Variants in SLC43A2 observed in about 807,000 individuals in gnomAD.
SLC43A2 encodes the protein large neutral amino acids transporter small subunit 4.
SLC43A2 carries 38 observed loss-of-function variants against 63.2 expected under a neutral mutation model. The observed-to-expected ratio is 0.60, with a 90% confidence interval of 0.46 to 0.79. The LOEUF is 0.79. SLC43A2 is among the 30% of genes least tolerant of loss of function. The probability of loss-of-function intolerance (pLI) is 0.00; values close to 1 mark genes in which losing one functional copy is unlikely to be tolerated. For synonymous variants in SLC43A2, 322 were observed against 331.0 expected, an observed-to-expected ratio of 0.97 and a Z score of 0.30; for missense variants, 644 against 756.2, an observed-to-expected ratio of 0.85 and a Z score of 1.74.
At position 1,583,200 on chromosome 17, in the gene SLC43A2, C is replaced by T; in HGVS notation, c.1350+4G>A. 2 of 1,613,728 alleles carry T rather than the reference C, an allele frequency of 1.2e-6. No individual in the cohort carries two copies. The highest frequency in any genetic ancestry group is 1.7e-6 in the Non-Finnish European group (2 of 1,179,666). ...CACCTGCCCCTCCCACTCCCCACAC[C>T]CACCTGGAGAGGCAGGTTGGGAATG... On this transcript the variant is annotated splice_donor_region_variant and intron_variant, in intron 11 of 13. Coordinates refer to ENST00000301335, the MANE Select transcript of SLC43A2 (RefSeq NM_152346.3). The surrounding 1 kb of genome is among the most constrained non-coding windows in gnomAD (Gnocchi z 5.5).
At chr17:1,623,159 T>C (rs1474959059) in intron 2 of SLC43A2, among the ~76,000 whole-genome samples, 1 of 152,188 alleles carries the variant, frequency 6.6e-6, no homozygotes, top group East Asian at 1.9e-4. Context: ...AGAAATCTCC[T>C]GTCCACATCT....
chr17:1,606,936 G>A lies in SLC43A2; in HGVS notation c.501+6259C>T, dbSNP rs888223183. Reference sequence around the variant, plus strand: ...GGAGGGAAATACCACCATGGGTGCCGACCTCTTGGGCTCTGGAAGGATGGC... The same window carrying A: ...GGAGGGAAATACCACCATGGGTGCCAACCTCTTGGGCTCTGGAAGGATGGC... On this transcript the variant is annotated intron_variant, in intron 5 of 13. Transcript: ENST00000301335. The surrounding 1 kb of genome is among the most constrained non-coding windows in gnomAD (Gnocchi z 4.7). Among the ~76,000 whole-genome samples, 11 of 152,184 alleles carry A rather than the reference G, an allele frequency of 7.2e-5. No individual in the cohort carries two copies. The highest frequency in any genetic ancestry group is 3.8e-4 in the East Asian group (2 of 5,196).
intron 5 of SLC43A2, among the ~76,000 whole-genome samples, chr17:1,595,300 G>A (rs2151051178): frequency 6.6e-6 from 1 of 151,414 alleles, no homozygotes; most frequent in East Asian, 2.0e-4. Flanking sequence ...AAAAGAGAGA[G>A]AGAGACAGGG....
intron 2 of SLC43A2, among the ~76,000 whole-genome samples, chr17:1,622,505 C>T (rs1346662861): frequency 1.3e-4 from 19 of 151,350 alleles, no homozygotes; most frequent in African/African-American, 4.4e-4. Context: ...GCGGAGGTTG[C>T]GGTGAGCCGA....
Position 1,574,992 on chromosome 17 carries a change from T to C in SLC43A2, c.*612A>G, listed in dbSNP as rs1466599563. On this transcript the variant is annotated 3_prime_UTR_variant, in exon 14 of 14. Coordinates refer to ENST00000301335, the MANE Select transcript of SLC43A2 (RefSeq NM_152346.3). ...GGGGTCCACCCAGCCCGCTAAACCC[T>C]CTCCAGGGCATAAGCCAGGTGGGGC... 1 of 156,556 alleles carries C rather than the reference T, an allele frequency of 6.4e-6. No individual in the cohort carries two copies. Among genetic ancestry groups the C allele is most frequent in the Non-Finnish European group, 1.4e-5 (1 of 70,250 alleles). 9.7% of individuals were successfully genotyped at this position (156,556 alleles called of 1,614,324 possible). A position where few individuals can be genotyped will look rare whatever the true frequency, so the allele number is the denominator to read the frequency against.
In SLC43A2 at chr17:1,600,599, G is replaced by A. The variant is rs191826454; in HGVS notation, c.502-7320C>T. ...GACATGGTCTCGCTCTGTCATCCAG[G>A]CTGGAGTGCAATGGTACGATTCTGG... On this transcript the variant is annotated intron_variant, in intron 5 of 13. Transcript: ENST00000301335. Among the ~76,000 whole-genome samples the A allele has an allele frequency of 2.7e-3, 350 of 129,588 alleles. 3 individuals are homozygous for A. The highest frequency in any genetic ancestry group is 6.7e-3 in the South Asian group (28 of 4,180). 85.0% of individuals were successfully genotyped at this position (129,588 alleles called of 152,430 possible).
chr17:1,599,663 T>C (rs1247753470), intron 5 of SLC43A2, among the ~76,000 whole-genome samples: 2 of 151,908 alleles, frequency 1.3e-5, no homozygotes, highest in Admixed American at 6.6e-5. Context: ...ACTGAGCCAC[T>C]GCACTCCAGC....
chr17:1,586,928 T>TGCCCCCCCCCCC, intron 9 of SLC43A2: 27 of 1,232,826 alleles, frequency 2.2e-5, no homozygotes, highest in Non-Finnish European at 2.9e-5. Context: ...TCCCTGACAA[T>TGCCCCCCCCCCC]CCCCCCCACC....
chr17:1,626,629 T>C (rs1267920553), intron 2 of SLC43A2, among the ~76,000 whole-genome samples: 1 of 152,098 alleles, frequency 6.6e-6, no homozygotes, highest in East Asian at 1.9e-4. Context: ...ACAGGGAGGC[T>C]TCCACAAAGG....
rs756710302 is a variant in SLC43A2, at chr17:1,575,650, A to C, written c.1664T>G (p.Leu555Arg). 8 of 1,613,920 alleles carry C rather than the reference A, an allele frequency of 5.0e-6. No homozygotes were observed. The highest frequency in any genetic ancestry group is 6.8e-6 in the Non-Finnish European group (8 of 1,180,014). The change falls in exon 14 of 14, where the codon CTC (leucine) becomes CGC (arginine). Residue 555 changes from leucine to arginine, a missense_variant. Transcript: ENST00000301335. ...GGACGAGCCGTTGATTTTGAGGAAGAGTTTGTCATCCTCCTGCCTCTGCTG... is the reference window on the plus strand; with the variant it reads ...GGACGAGCCGTTGATTTTGAGGAAGCGTTTGTCATCCTCCTGCCTCTGCTG... ...QLQQRQEDDKLFLKINGSSNQ... is the reference protein window; with the variant it reads ...QLQQRQEDDKRFLKINGSSNQ...
chr17:1,589,809 G>C (rs1380662881), intron 9 of SLC43A2, among the ~76,000 whole-genome samples: 7 of 152,132 alleles, frequency 4.6e-5, no homozygotes, highest in African/African-American at 1.7e-4. Context: ...TAGTAGAGAT[G>C]GGGGTTTCAC....
chr17:1,595,410 A>G (rs555043792), intron 5 of SLC43A2, among the ~76,000 whole-genome samples: 1 of 151,368 alleles, frequency 6.6e-6, no homozygotes, highest in African/African-American at 2.4e-5. Flanking sequence ...CTCCCAAGTC[A>G]CTGGGACAAC....
rs759452949 is a variant in SLC43A2 at position 1,591,256 on chromosome 17, C to A, written c.931+13G>T. The stretch of plus-strand genomic sequence containing the variant: ...TCCCTGCCCGTCGCCCGGCTGCGGT[C>A]TCAGGCGGGTACCTGCGGCATCCGG... On this transcript the variant is annotated intron_variant, in intron 8 of 13. Transcript: ENST00000301335. 2 of 1,601,286 alleles carry A rather than the reference C, an allele frequency of 1.2e-6. No homozygotes were observed. Among genetic ancestry groups the A allele is most frequent in the Admixed American group, 1.7e-5 (1 of 59,990 alleles).
chr17:1,586,155 G>T (rs2076098845), intron 9 of SLC43A2, 104 bp from the exon 10 acceptor site: 1 of 1,450,282 alleles, frequency 6.9e-7, no homozygotes, highest in Non-Finnish European at 9.1e-7. Context: ...CTCTTCTGGG[G>T]TCTGCCCCAG....
chr17:1,609,491 T>C (rs1317826005), intron 5 of SLC43A2, among the ~76,000 whole-genome samples: 2 of 152,140 alleles, frequency 1.3e-5, no homozygotes, highest in Non-Finnish European at 2.9e-5. Flanking sequence ...CGTGAGCCAC[T>C]GCGCCCGGCC....
At position 1,627,824 on chromosome 17, in the gene SLC43A2, G is replaced by A. The variant is rs1908810481; in HGVS notation, c.51C>T (p.Cys17=). 6.3e-7 allele frequency: 1 copy of A among 1,592,342 alleles called. No homozygotes were observed. Among genetic ancestry groups the A allele is most frequent in the Admixed American group, 1.8e-5 (1 of 56,952 alleles). Reference sequence around the variant, plus strand: ...AGAGGAGGTTCTCCAGCACGGCCGTGCAGGCCATCCACCAGCGGCGCCGAT... The same window carrying A: ...AGAGGAGGTTCTCCAGCACGGCCGTACAGGCCATCCACCAGCGGCGCCGAT... ...TAHRRRWWMA[C]TAVLENLLFS... is the part of the protein sequence containing the mutation. Residue 17 remains cysteine, a synonymous_variant, in exon 2 of 14, where the codon TGC becomes TGT. Transcript: ENST00000301335.
In SLC43A2 at chr17:1,627,758, C is replaced by T. The variant is rs1332849399; in HGVS notation, c.117G>A (p.Met39Ile). Reference protein sequence around the residue: ...VLLGWGSLLIMLKSEGFYSYL... With the variant: ...VLLGWGSLLIILKSEGFYSYL... ...AGGAGTAAAAGCCCTCTGACTTGAGCATGATGAGCAGCGAGCCCCAGCCCA... is the reference window on the plus strand; with the variant it reads ...AGGAGTAAAAGCCCTCTGACTTGAGTATGATGAGCAGCGAGCCCCAGCCCA... The change falls in exon 2 of 14, where the codon ATG becomes ATA. Residue 39 changes from methionine to isoleucine, a missense_variant. Met to Ile is a conservative substitution (Grantham distance 10). Around this residue, in one of 3 missense-constraint regions of SLC43A2, gnomAD observed 528 missense variants for 623.6 expected, o/e 0.85. Coordinates refer to ENST00000301335, the MANE Select transcript of SLC43A2 (RefSeq NM_152346.3). 1.9e-6 allele frequency: 3 copies of T among 1,592,814 alleles called. No individual in the cohort carries two copies. The highest frequency in any genetic ancestry group is 2.6e-6 in the Non-Finnish European group (3 of 1,170,350).
intron 5 of SLC43A2, among the ~76,000 whole-genome samples, chr17:1,594,212 G>A (rs955657825): frequency 3.9e-5 from 6 of 152,176 alleles, no homozygotes; most frequent in Non-Finnish European, 7.3e-5. Context: ...GAAGGCCAAC[G>A]GGAAGCAAGG....
chr17:1,578,206 C>T lies in SLC43A2; in HGVS notation c.1424+44G>A. ...ACCAGCAACCTCCCCCCGGCCATTC[C>T]CACACCCTCGCCCACCAGGCCACCT... On this transcript the variant is annotated intron_variant, in intron 12 of 13. Transcript: ENST00000301335. This position sits in a 1 kb window ranked among gnomAD's most constrained non-coding sequence, Gnocchi z 6.5. The T allele has an allele frequency of 6.3e-7, 1 of 1,598,340 alleles. No homozygotes were observed. The highest frequency in any genetic ancestry group is 8.6e-7 in the Non-Finnish European group (1 of 1,167,492).
Sources: allele counts gnomAD v4.1 joint callset (sites outside exome capture counted in the v4.1 genomes callset), GRCh38; gene constraint gnomAD v4.1.1; regional missense constraint gnomAD v4.1.1; non-coding constraint Gnocchi (gnomAD v3.1); transcripts MANE v1.5; gene names NCBI Gene and HGNC (gene_info 2026-07-23, HGNC 2026-07-21).